LETM1: variants seen among roughly 807,000 people sequenced by gnomAD.
LETM1 encodes mitochondrial proton/calcium exchanger protein.
LETM1 carries 50 observed loss-of-function variants against 74.5 expected under a neutral mutation model. The observed-to-expected ratio is 0.67, with a 90% CI of 0.53 to 0.85. LETM1 has a LOEUF of 0.85. LETM1 is among the 40% of genes least tolerant of loss of function. LETM1 has a pLI of 0.00. For missense variants in LETM1, 824 were observed against 967.8 expected (o/e 0.85, Z 1.97); for synonymous variants, 446 against 407.1 (o/e 1.10, Z -1.15).
intron 1 of LETM1, among the ~76,000 whole-genome samples, chr4:1,851,233 C>T (rs371786618): frequency 4.6e-5 from 7 of 152,282 alleles, no homozygotes; most frequent in South Asian, 4.2e-4. Flanking sequence ...TAGGCGGTGC[C>T]GGGAGCCAGC....
At chr4:1,848,453 C>G (rs1224896198) in intron 2 of LETM1, among the ~76,000 whole-genome samples, 2 of 150,472 alleles carry the variant, frequency 1.3e-5, no homozygotes, top group Non-Finnish European at 2.9e-5. Flanking sequence ...GAGGCTGAGG[C>G]AGGAGGATGG....
Position 1,855,920 on chromosome 4 carries a change from C to T in LETM1, c.31G>A (p.Gly11Ser). The part of the protein sequence containing the change: MASILLRSCR[G>S]RAPARLPPPP... ...GGCGGGAGGCGGGCGGGCGCCCGGC[C>T]GCGGCAGCTCCTCAGTAAGATGGAC... Residue 11 changes from glycine (G) to serine (S), a missense_variant, in exon 1 of 14, where the codon GGC becomes AGC. Transcript: ENST00000302787. The T allele has an allele frequency of 8.1e-7, 1 of 1,237,166 alleles. No individual in the cohort carries two copies. Among genetic ancestry groups the T allele is most frequent in the Non-Finnish European group, 1.0e-6 (1 of 993,068 alleles). 76.6% of individuals were successfully genotyped at this position (1,237,166 alleles called of 1,614,324 possible).
At chr4:1,850,739 T>G (rs955762758) in intron 1 of LETM1, among the ~76,000 whole-genome samples, 1 of 144,354 alleles carries the variant, frequency 6.9e-6, no homozygotes, top group South Asian at 2.2e-4. Context: ...CTGAGGCGGG[T>G]GGATCACCTG....
At chr4:1,815,499 A>G (rs1336605242) in intron 13 of LETM1, among the ~76,000 whole-genome samples, 165 bp downstream of exon 13, 1 of 152,220 alleles carries the variant, frequency 6.6e-6, no homozygotes, top group African/African-American at 2.4e-5. Context: ...GATGTTTCAA[A>G]TGAGAGCAGC....
intron 2 of LETM1, chr4:1,843,014 C>G (rs750682120): frequency 2.6e-6 from 1 of 381,518 alleles, no homozygotes; most frequent in Non-Finnish European, 5.3e-6. Flanking sequence ...ACCTAAAAGG[C>G]CATGTGTGTC....
At chr4:1,843,756 G>A (rs1237083631) in intron 2 of LETM1, among the ~76,000 whole-genome samples, 1 of 152,140 alleles carries the variant, frequency 6.6e-6, no homozygotes, top group Non-Finnish European at 1.5e-5. Context: ...CCCAGCCCCA[G>A]CCACCATGTC....
Position 1,841,407 on chromosome 4 carries a change from C to A in LETM1, c.534G>T (p.Ala178=). The A allele has an allele frequency of 6.2e-7, 1 of 1,614,148 alleles. No individual in the cohort carries two copies. ...FRLLWIDTKI[A]ARMLWRILNG... ...TGAGGATGCGCCAGAGCATGCGTGC[C>A]GCGATCTTGGTGTCGATCCATAGCA... is the stretch of plus-strand genomic sequence containing the variant. The change falls in exon 3 of 14, where the codon GCG becomes GCT. Residue 178 remains alanine, a synonymous_variant. Coordinates refer to ENST00000302787, the MANE Select transcript of LETM1 (RefSeq NM_012318.3).
chr4:1,839,856 A>G (rs900333764), intron 3 of LETM1, among the ~76,000 whole-genome samples: 1 of 152,234 alleles, frequency 6.6e-6, no homozygotes, highest in African/African-American at 2.4e-5. Flanking sequence ...CCTGGGAAGC[A>G]TGGAAGATCC....
intron 4 of LETM1, 74 bp from the exon 5 acceptor site, chr4:1,835,056 G>A: frequency 6.9e-7 from 1 of 1,458,646 alleles, no homozygotes; most frequent in Non-Finnish European, 9.4e-7. Flanking sequence ...TCTCACGCCT[G>A]TGCCCGACCC....
chr4:1,824,571 G>A (rs1023736923), intron 7 of LETM1, among the ~76,000 whole-genome samples: 5 of 152,186 alleles, frequency 3.3e-5, no homozygotes, highest in Non-Finnish European at 5.9e-5. Flanking sequence ...GGAGAAGTGG[G>A]TAGAGAAAAT....
At chr4:1,855,568 T>G (rs932930035) in intron 1 of LETM1, among the ~76,000 whole-genome samples, 3 of 152,236 alleles carry the variant, frequency 2.0e-5, no homozygotes, top group Non-Finnish European at 4.4e-5. Context: ...CCAAGCTTAC[T>G]CGCGCAGGGC....
chr4:1,820,323 T>C (rs1429577186), intron 10 of LETM1, among the ~76,000 whole-genome samples: 1 of 152,196 alleles, frequency 6.6e-6, no homozygotes, highest in African/African-American at 2.4e-5. Context: ...TATCCCTAAG[T>C]AGTTCATTTT....
rs187958370 is a variant in LETM1 at position 1,834,196 on chromosome 4, C to T, written c.876+649G>A. 4 of 165,034 alleles carry T rather than the reference C, an allele frequency of 2.4e-5. No individual in the cohort carries two copies. The highest frequency in any genetic ancestry group is 6.5e-5 in the Admixed American group (1 of 15,320). 10.2% of individuals were successfully genotyped at this position (165,034 alleles called of 1,614,324 possible). ...GGGAAAACCCCACAGACAACGCACA[C>T]GCATGGCTGGAGTTTCTAGGCCCTG... On this transcript the variant is annotated intron_variant, in intron 5 of 13. Transcript: ENST00000302787. This position sits in a 1 kb window ranked among gnomAD's most constrained non-coding sequence, Gnocchi z 5.0.
Position 1,856,074 on chromosome 4 carries a change from G to T in LETM1, c.-124C>A. Reference sequence around the variant, plus strand: ...GCGCGGACGGCTGACAGAGGCGGCTGGCCTCGGACGGGAGGCGCTCTCCTC... The same window carrying T: ...GCGCGGACGGCTGACAGAGGCGGCTTGCCTCGGACGGGAGGCGCTCTCCTC... On this transcript the variant is annotated 5_prime_UTR_variant, in exon 1 of 14. Transcript: ENST00000302787. The T allele has an allele frequency of 2.0e-6, 1 of 505,532 alleles. No individual in the cohort carries two copies. The highest frequency in any genetic ancestry group is 3.0e-6 in the Non-Finnish European group (1 of 338,506). 31.3% of individuals were successfully genotyped at this position (505,532 alleles called of 1,614,324 possible). A position where few individuals can be genotyped will look rare whatever the true frequency, so the allele number is the denominator to read the frequency against.
At chr4:1,850,997 T>C (rs1713052510) in intron 1 of LETM1, among the ~76,000 whole-genome samples, 1 of 151,962 alleles carries the variant, frequency 6.6e-6, no homozygotes. Context: ...ATTTCTTGTA[T>C]AAACAACAGT....
In LETM1 at chr4:1,836,847, G is replaced by A. The variant is rs367932647; in HGVS notation, c.595-275C>T. Among the ~76,000 whole-genome samples, 6 of 152,088 alleles carry A rather than the reference G, an allele frequency of 3.9e-5. No homozygotes were observed. In the East Asian group the frequency reaches 1.2e-3, roughly 29 times the overall value. On this transcript the variant is annotated intron_variant, in intron 3 of 13. Transcript: ENST00000302787. This position sits in a 1 kb window ranked among gnomAD's most constrained non-coding sequence, Gnocchi z 5.8. ...GGTGCTCCCAGCGATCGAGTCCTCC[G>A]AGGACACCGGCCAGCACTCTGGGCT...
At chr4:1,821,127 T>TG (rs202117501) in intron 10 of LETM1, among the ~76,000 whole-genome samples, 176 of 151,380 alleles carry the variant, frequency 1.2e-3, no homozygotes, top group African/African-American at 3.6e-3. Context: ...AGTGAAATTT[T>TG]TTTTTTTTTT....
chr4:1,825,069 C>G (rs1459229090), intron 7 of LETM1, among the ~76,000 whole-genome samples: 1 of 152,182 alleles, frequency 6.6e-6, no homozygotes, highest in Non-Finnish European at 1.5e-5. Flanking sequence ...GAGTGAGTGG[C>G]TGGGGCTGTC....
chr4:1,823,266 G>A, intron 8 of LETM1, 135 bp from the exon 9 acceptor site: 1 of 1,222,554 alleles, frequency 8.2e-7, no homozygotes, highest in Non-Finnish European at 1.1e-6. Context: ...AGAAGGCACT[G>A]CCGAGGTGCT....
Sources: allele counts gnomAD v4.1 joint callset (sites outside exome capture counted in the v4.1 genomes callset), GRCh38; gene constraint gnomAD v4.1.1; non-coding constraint Gnocchi (gnomAD v3.1); transcripts MANE v1.5; gene names NCBI Gene and HGNC (gene_info 2026-07-23, HGNC 2026-07-21).